Variants in SCLT1 observed in about 807,000 individuals in gnomAD.
The protein encoded by SCLT1 is sodium channel-associated protein 1.
Under a neutral mutation model 112.8 loss-of-function variants are expected in SCLT1, and 78 were observed. That is an observed-to-expected ratio of 0.69 (90% CI 0.58 to 0.83). The LOEUF (loss-of-function observed/expected upper bound fraction) is 0.83. SCLT1 is among the 40% of genes least tolerant of loss of function. SCLT1 has a pLI of 0.00. For missense variants in SCLT1, 747 were observed against 770.4 expected (o/e 0.97, Z 0.36); for synonymous variants, 257 against 254.7 (o/e 1.01, Z -0.09).
chr4:128,938,760 T>C (rs1043342230), intron 17 of SCLT1, among the ~76,000 whole-genome samples: 2 of 152,132 alleles, frequency 1.3e-5, no homozygotes, highest in African/African-American at 4.8e-5. Flanking sequence ...GGCAGGCAGA[T>C]TACTTGAGGT....
At chr4:128,888,870 A>G (rs1342703151) in intron 19 of SCLT1, 96 bp from the exon 20 acceptor site, 3 of 587,730 alleles carry the variant, frequency 5.1e-6, no homozygotes, top group South Asian at 2.6e-5. Flanking sequence ...TCACTTTACC[A>G]CTTATAAAAT....
chr4:129,022,359 A>C (rs1303181865), intron 5 of SCLT1, among the ~76,000 whole-genome samples: 1 of 152,226 alleles, frequency 6.6e-6, no homozygotes, highest in Non-Finnish European at 1.5e-5. Flanking sequence ...GCGTTAAAGG[A>C]GCATGTTCTA....
chr4:128,876,495 AAC>A (rs968825172), intron 4 of SCLT1: 1 of 152,216 alleles, frequency 6.6e-6, no homozygotes, highest in African/African-American at 2.4e-5. Context: ...TCACTGAAAA[AAC>A]AGTTTCTACC....
intron 8 of SCLT1, among the ~76,000 whole-genome samples, chr4:128,993,850 A>G (rs955024217): frequency 6.6e-6 from 1 of 152,064 alleles, no homozygotes; most frequent in Admixed American, 6.6e-5. Flanking sequence ...TATAGAGATG[A>G]GCAAATCTTA....
downstream of SCLT1, among the ~76,000 whole-genome samples, chr4:128,880,768 T>C (rs187918821): frequency 5.7e-3 from 861 of 152,322 alleles, 13 homozygotes; most frequent in African/African-American, 0.02. Context: ...TATATGTACA[T>C]TTCAATGAAT....
intron 2 of SCLT1, among the ~76,000 whole-genome samples, chr4:129,053,681 G>A (rs1249118498): frequency 6.7e-6 from 1 of 148,944 alleles, no homozygotes; most frequent in East Asian, 2.0e-4. Flanking sequence ...GAAGACAGCG[G>A]ACTGATGGGT....
In SCLT1 at chr4:128,888,667, G is replaced by A; in HGVS notation, c.2004+12C>T. Reference sequence around the variant, plus strand: ...ACTGTTTATTATCTAGGGATAAGAGGATGCTCCCTACCTGCTGGGAAGCTG... The same window carrying A: ...ACTGTTTATTATCTAGGGATAAGAGAATGCTCCCTACCTGCTGGGAAGCTG... On this transcript the variant is annotated intron_variant, in intron 20 of 20. Coordinates refer to ENST00000281142, the MANE Select transcript of SCLT1 (RefSeq NM_144643.4). 2 of 1,526,808 alleles carry A rather than the reference G, an allele frequency of 1.3e-6. No homozygotes were observed. Among genetic ancestry groups the A allele is most frequent in the Non-Finnish European group, 1.8e-6 (2 of 1,103,578 alleles). The allele number at this position is 1,526,808 out of a possible 1,614,324, so 94.6% of individuals were successfully genotyped here.
intron 1 of SCLT1, among the ~76,000 whole-genome samples, chr4:129,092,841 G>A (rs753656352): frequency 6.6e-6 from 1 of 152,188 alleles, no homozygotes; most frequent in Non-Finnish European, 1.5e-5. Context: ...TAACAAACAT[G>A]TTTAGCGTCT....
At chr4:129,049,130 G>A (rs1333096080) in intron 2 of SCLT1, among the ~76,000 whole-genome samples, 3 of 151,856 alleles carry the variant, frequency 2.0e-5, no homozygotes, top group African/African-American at 7.3e-5. Context: ...GCATTACTGG[G>A]TATATACCCA....
chr4:128,951,334 A>G (rs116064528), intron 14 of SCLT1, among the ~76,000 whole-genome samples: 2,193 of 152,246 alleles, frequency 0.014, 24 homozygotes, highest in Middle Eastern at 0.024. Context: ...CTCCCCATAG[A>G]ATCAACATGA....
Position 129,008,019 on chromosome 4 carries a change from C to T in SCLT1, c.291-4143G>A, listed in dbSNP as rs539913871. 3.3e-5 allele frequency among the ~76,000 whole-genome samples: 5 copies of T among 152,280 alleles called. No homozygotes were observed. In the East Asian group the frequency reaches 7.7e-4, roughly 24 times the overall value. On this transcript the variant is annotated intron_variant, in intron 5 of 20. Transcript: ENST00000281142. ...GGATAATGTAAGCACCTGAGACTATCTCAACTCCATTTACACTCTTCCTAA... is the reference window on the plus strand; with the variant it reads ...GGATAATGTAAGCACCTGAGACTATTTCAACTCCATTTACACTCTTCCTAA...
In SCLT1 at chr4:129,053,557, A is replaced by ATTTTTTTTTTTTTTTTTTTTTTTTTTTTT. The variant is rs528905688; in HGVS notation, c.103-9535_103-9507dup. ...TTAGAGACTAGGATTGCAATCCCTG[A>ATTTTTTTTTTTTTTTTTTTTTTTTTTTTT]TTTTTTTTTTTTTTTTTTTTTTTTT... On this transcript the variant is annotated intron_variant, in intron 2 of 20. Coordinates refer to ENST00000281142, the MANE Select transcript of SCLT1 (RefSeq NM_144643.4). Among the ~76,000 whole-genome samples the ATTTTTTTTTTTTTTTTTTTTTTTTTTTTT allele has an allele frequency of 1.8e-4, 8 of 45,218 alleles. 2 individuals carry two copies. Among genetic ancestry groups the ATTTTTTTTTTTTTTTTTTTTTTTTTTTTT allele is most frequent in the Admixed American group, 3.2e-4 (1 of 3,154 alleles). The allele number at this position is 45,218 out of a possible 152,430, so 29.7% of individuals were successfully genotyped here.
At position 129,093,266 on chromosome 4, in the gene SCLT1, A is replaced by G. The variant is rs1753020381; in HGVS notation, c.-163T>C. 3 of 649,876 alleles carry G rather than the reference A, an allele frequency of 4.6e-6. No individual in the cohort carries two copies. In the South Asian group the frequency reaches 5.2e-5, roughly 11 times the overall value. The allele number at this position is 649,876 out of a possible 1,614,324, so 40.3% of individuals were successfully genotyped here. ...CTCACGCGGCATCTACAGCCCCGCC[A>G]CGCTTCTTTCCCCCGCGCCCCAGAC... On this transcript the variant is annotated 5_prime_UTR_variant, in exon 1 of 21. Coordinates refer to ENST00000281142, the MANE Select transcript of SCLT1 (RefSeq NM_144643.4).
At chr4:128,901,266 C>A (rs1450336642) in intron 18 of SCLT1, among the ~76,000 whole-genome samples, 2 of 152,120 alleles carry the variant, frequency 1.3e-5, no homozygotes, top group African/African-American at 4.8e-5. Context: ...GACCTGGAGC[C>A]AACCCAAATG....
intron 18 of SCLT1, among the ~76,000 whole-genome samples, chr4:128,916,945 T>A (rs891243228): frequency 2.6e-5 from 4 of 152,070 alleles, no homozygotes; most frequent in Non-Finnish European, 5.9e-5. Context: ...TATTGGGCTG[T>A]CACATTCTGG....
chr4:128,947,892 A>G (rs1738316698), intron 15 of SCLT1, among the ~76,000 whole-genome samples: 1 of 152,186 alleles, frequency 6.6e-6, no homozygotes, highest in Admixed American at 6.5e-5. Flanking sequence ...CCTAAGCACC[A>G]TAAGAGCTAA....
chr4:129,044,827 C>CA (rs61042798), intron 2 of SCLT1, among the ~76,000 whole-genome samples: 7,045 of 76,996 alleles, frequency 0.091, 218 homozygotes, highest in East Asian at 0.13. Flanking sequence ...ATAATCTCAC[C>CA]AAAAAAAAAA....
rs1737213720 is a variant in SCLT1, at chr4:128,936,716, T to C, written c.1768A>G (p.Arg590Gly). 3 of 1,612,160 alleles carry C rather than the reference T, an allele frequency of 1.9e-6. No individual in the cohort carries two copies. Among genetic ancestry groups the C allele is most frequent in the Non-Finnish European group, 2.5e-6 (3 of 1,179,388 alleles). ...LLATQQKAAN[R>G]WKEETKKLTE... Reference sequence around the variant, plus strand: ...AGTTTCTTCGTTTCTTCTTTCCACCTATTGGCTGCCTTCTGTTGAGTCGCT... The same window carrying C: ...AGTTTCTTCGTTTCTTCTTTCCACCCATTGGCTGCCTTCTGTTGAGTCGCT... Residue 590 changes from arginine (R) to glycine (G), a missense_variant, in exon 18 of 21, where the codon AGG becomes GGG. Coordinates refer to ENST00000281142, the MANE Select transcript of SCLT1 (RefSeq NM_144643.4).
In SCLT1 at chr4:128,955,728, A is replaced by G. The variant is rs570607407; in HGVS notation, c.1146+1298T>C. Among the ~76,000 whole-genome samples the G allele has an allele frequency of 1.1e-4, 16 of 152,320 alleles. No homozygotes were observed. In the South Asian group the frequency reaches 3.3e-3, roughly 32 times the overall value. ...TTGTAATTTTAATTTTCTTTTATACATATTTTTCATTTATACATATTTTCT... is the reference window on the plus strand; with the variant it reads ...TTGTAATTTTAATTTTCTTTTATACGTATTTTTCATTTATACATATTTTCT... On this transcript the variant is annotated intron_variant, in intron 13 of 20. Transcript: ENST00000281142.
Sources: gnomAD v4.1 joint callset for allele counts (sites outside exome capture counted in the v4.1 genomes callset) on GRCh38, gnomAD v4.1.1 for gene constraint, MANE v1.5 for transcripts, NCBI Gene and HGNC (gene_info 2026-07-23, HGNC 2026-07-21) for gene names.